The following CTSK variants were observed in gnomAD, a reference collection of about 807,000 sequenced individuals.
CTSK encodes the protein cathepsin K.
CTSK carries 26 observed loss-of-function variants against 40.5 expected under a neutral mutation model. That is an observed-to-expected ratio of 0.64 (90% confidence interval 0.47 to 0.89). The LOEUF is 0.89. Among genes scored for constraint, CTSK ranks in the 40% least tolerant of loss-of-function variants. CTSK has a pLI of 0.00. For synonymous variants in CTSK, 132 were observed against 143.2 expected (o/e 0.92, Z 0.56); for missense variants, 292 against 400.1 (o/e 0.73, Z 2.30).
chr1:150,804,109 C>A lies in CTSK; in HGVS notation c.530G>T (p.Cys177Phe). The A allele has an allele frequency of 6.2e-7, 1 of 1,614,192 alleles. No individual in the cohort carries two copies. The highest frequency in any genetic ancestry group is 1.1e-5 in the South Asian group (1 of 91,084). The change falls in exon 5 of 8, where the codon TGT becomes TTT. Residue 177 changes from cysteine to phenylalanine, a missense_variant. Physicochemically the swap from Cys to Phe is radical, Grantham distance 205 (BLOSUM62 -2). Transcript: ENST00000271651. The stretch of plus-strand genomic sequence containing the variant: ...GGCATTGGTCATGTAGCCCCCTCCA[C>A]AGCCATCATTCTCAGACACACAATC... ...LVDCVSENDG[C>F]GGGYMTNAFQ...
chr1:150,806,354 G>A lies in CTSK; in HGVS notation c.121-130C>T. On this transcript the variant is annotated intron_variant, in intron 2 of 7. Coordinates refer to ENST00000271651, the MANE Select transcript of CTSK (RefSeq NM_000396.4). ...ACAGTTTAGTTGGGGAACTAACCATGGAATTAAGAGCCTGCAAGAAGAGAT... is the reference window on the plus strand; with the variant it reads ...ACAGTTTAGTTGGGGAACTAACCATAGAATTAAGAGCCTGCAAGAAGAGAT... The A allele has an allele frequency of 3.8e-6, 4 of 1,041,062 alleles. No individual in the cohort carries two copies. The South Asian group carries it at 4.4e-5, about 11-fold the overall frequency. 64.5% of individuals were successfully genotyped at this position (1,041,062 alleles called of 1,614,324 possible).
Position 150,799,263 on chromosome 1 carries a change from A to G in CTSK, c.795T>C (p.Tyr265=), listed in dbSNP as rs1342713133. The change falls in exon 7 of 8, where the codon TAT becomes TAC. Residue 265 remains tyrosine, a synonymous_variant. Coordinates refer to ENST00000271651, the MANE Select transcript of CTSK (RefSeq NM_000396.4). ...GATTATCGCTATTGCAGCTTTCATC[A>G]TAATACACACCTAGAATACAAACTA... ...SFQFYSKGVY[Y]DESCNSDNLN... 4 of 1,609,844 alleles carry G rather than the reference A, an allele frequency of 2.5e-6. No individual in the cohort carries two copies. In the Admixed American group the frequency reaches 6.7e-5, roughly 27 times the overall value.
At chr1:150,797,341 A>G (rs1339336075) in intron 7 of CTSK, among the ~76,000 whole-genome samples, 3 of 152,222 alleles carry the variant, frequency 2.0e-5, no homozygotes, top group Admixed American at 2.0e-4. Flanking sequence ...GCAAGGTTAA[A>G]AAGCTTCACC....
intron 1 of CTSK, among the ~76,000 whole-genome samples, 160 bp downstream of exon 1, chr1:150,808,054 G>A (rs946592413): frequency 3.3e-5 from 5 of 152,164 alleles, no homozygotes; most frequent in Non-Finnish European, 7.3e-5. Context: ...CAGATTTCCA[G>A]GCAGATTTTA....
At chr1:150,805,510 G>A (rs1654069108) in intron 4 of CTSK, among the ~76,000 whole-genome samples, 3 of 151,540 alleles carry the variant, frequency 2.0e-5, no homozygotes, top group South Asian at 4.2e-4. Context: ...GTAGTGGCGC[G>A]TGCCTGTAAT....
chr1:150,799,660 C>T lies in CTSK; in HGVS notation c.668G>A (p.Gly223Glu), dbSNP rs763805411. Residue 223 changes from glycine (G) to glutamate (E), a missense_variant, in exon 6 of 8, where the codon GGG becomes GAG. Physicochemically the swap from Gly to Glu is moderately conservative, Grantham distance 98. Coordinates refer to ENST00000271651, the MANE Select transcript of CTSK (RefSeq NM_000396.4). ...NPTGKAAKCRGYREIPEGNEK... is the reference protein window; with the variant it reads ...NPTGKAAKCREYREIPEGNEK... ...ATTCCCCTCGGGGATCTCTCTGTACCCTCTGCATTTAGCTGCCTTGCCTGT... is the reference window on the plus strand; with the variant it reads ...ATTCCCCTCGGGGATCTCTCTGTACTCTCTGCATTTAGCTGCCTTGCCTGT... The T allele has an allele frequency of 6.2e-7, 1 of 1,614,130 alleles. No homozygotes were observed. The highest frequency in any genetic ancestry group is 1.1e-5 in the South Asian group (1 of 91,066).
rs117756556 is a variant in CTSK, at chr1:150,807,646, T to C, written c.-2+568A>G. On this transcript the variant is annotated intron_variant, in intron 1 of 7. Transcript: ENST00000271651. ...AATTCACAGCTTTTCATAAGTTTAC[T>C]CTAGTTAGCTTCACTCATTTCTTGC... 1.5e-4 allele frequency among the ~76,000 whole-genome samples: 23 copies of C among 152,372 alleles called. No homozygotes were observed. In the East Asian group the frequency reaches 4.4e-3, roughly 29 times the overall value.
At position 150,799,282 on chromosome 1, in the gene CTSK, C is replaced by CA. The variant is rs757523375; in HGVS notation, c.785-10dup. ...TTCATCATAATACACACCTAGAATA[C>CA]AAACTACCAGCGTGAGGCTCTATGC... is the stretch of plus-strand genomic sequence containing the variant. On this transcript the variant is annotated splice_polypyrimidine_tract_variant and intron_variant, in intron 6 of 7. Coordinates refer to ENST00000271651, the MANE Select transcript of CTSK (RefSeq NM_000396.4). 6.3e-6 allele frequency: 10 copies of CA among 1,587,924 alleles called. No homozygotes were observed. In the African/African-American group the frequency reaches 1.1e-4, roughly 17 times the overall value.
intron 1 of CTSK, chr1:150,807,226 G>C (rs1410344310): frequency 2.1e-6 from 1 of 473,356 alleles, no homozygotes; most frequent in South Asian, 1.6e-5. Flanking sequence ...CAAATAGCAA[G>C]GTGGTAGTGG....
intron 1 of CTSK, chr1:150,807,424 TTTC>T (rs1654131741): frequency 2.1e-6 from 1 of 468,950 alleles, no homozygotes; most frequent in South Asian, 1.6e-5. Flanking sequence ...TCCTTATGCA[TTTC>T]TTCTTCCTTT....
intron 6 of CTSK, 96 bp downstream of exon 6, chr1:150,799,437 TCCATGTGAATA>T: frequency 2.1e-6 from 3 of 1,398,476 alleles, no homozygotes. Flanking sequence ...TCTGGCCACC[TCCATGTGAATA>T]CAAAAACTAA....
intron 5 of CTSK, among the ~76,000 whole-genome samples, chr1:150,800,058 G>A (rs1193382987): frequency 4.6e-5 from 7 of 151,956 alleles, no homozygotes; most frequent in African/African-American, 7.3e-5. Flanking sequence ...TTAGCCAGGC[G>A]TGGTAGCGGG....
intron 6 of CTSK, 27 bp downstream of exon 6, chr1:150,799,517 T>G: frequency 1.9e-6 from 3 of 1,613,466 alleles, no homozygotes; most frequent in Non-Finnish European, 8.5e-7. Flanking sequence ...TAAAAGACAG[T>G]GCTGTATAGG....
intron 7 of CTSK, 145 bp from the exon 8 acceptor site, chr1:150,797,043 G>A (rs1280901409): frequency 1.4e-6 from 1 of 705,230 alleles, no homozygotes; most frequent in African/African-American, 1.8e-5. Flanking sequence ...TCAAGAAATA[G>A]GGAGAAGGCA....
At chr1:150,800,290 A>G (rs909339020) in intron 5 of CTSK, among the ~76,000 whole-genome samples, 4 of 151,560 alleles carry the variant, frequency 2.6e-5, no homozygotes, top group Admixed American at 6.6e-5. Flanking sequence ...TTTAAAAAGC[A>G]TAAACCATCT....
chr1:150,801,472 G>A (rs774916243), intron 5 of CTSK, among the ~76,000 whole-genome samples: 5 of 150,894 alleles, frequency 3.3e-5, no homozygotes, highest in Non-Finnish European at 7.4e-5. Context: ...ATTCATAAAC[G>A]AATAAAACAC....
At chr1:150,798,168 C>A (rs1374828829) in intron 7 of CTSK, among the ~76,000 whole-genome samples, 1 of 152,112 alleles carries the variant, frequency 6.6e-6, no homozygotes, top group African/African-American at 2.4e-5. Flanking sequence ...CTGGAGTTTT[C>A]TTTGTTCCCC....
In CTSK at chr1:150,806,209, G is replaced by A. The variant is rs371277428; in HGVS notation, c.136C>T (p.Arg46Trp). ...AGGTTTTTTTCCCAAATTAAACGCC[G>A]AGAGATTTCATCCACCTAAACAAAG... The part of the protein sequence containing the change: ...QYNNKVDEIS[R>W]RLIWEKNLKY... Residue 46 changes from arginine to tryptophan, a missense_variant, in exon 3 of 8, where the codon CGG (arginine) becomes TGG (tryptophan). Arg to Trp is a moderately radical substitution (Grantham distance 101). Transcript: ENST00000271651. 1.9e-5 allele frequency: 31 copies of A among 1,613,836 alleles called. No individual in the cohort carries two copies. In the South Asian group the frequency reaches 2.9e-4, roughly 15 times the overall value.
chr1:150,803,688 T>C (rs761595662), intron 5 of CTSK, among the ~76,000 whole-genome samples: 1 of 152,188 alleles, frequency 6.6e-6, no homozygotes, highest in Non-Finnish European at 1.5e-5. Context: ...GCCACACAAT[T>C]TGTGAAAATA....
Sources: gnomAD v4.1 joint callset for allele counts (sites outside exome capture counted in the v4.1 genomes callset) on GRCh38, gnomAD v4.1.1 for gene constraint, MANE v1.5 for transcripts, NCBI Gene and HGNC (gene_info 2026-07-23, HGNC 2026-07-21) for gene names.